The following KIAA1958 variants were observed in gnomAD, a reference collection of about 807,000 sequenced individuals.
KIAA1958 encodes the protein KIAA1958, also known as uncharacterized protein KIAA1958.
Under a neutral mutation model 47.2 loss-of-function variants are expected in KIAA1958, and 14 were observed. The observed-to-expected ratio is 0.30, with a 90% CI of 0.20 to 0.46. KIAA1958 has a LOEUF of 0.46. Ranked by LOEUF, KIAA1958 falls within the 20% of genes least tolerant of loss-of-function variation. KIAA1958 has a pLI of 1.00. For synonymous variants in KIAA1958, 354 were observed against 353.3 expected (o/e 1.00, Z -0.02); for missense variants, 803 against 909.2 (o/e 0.88, Z 1.50).
chr9:112,510,377 TG>T (rs1345650034), intron 1 of KIAA1958, among the ~76,000 whole-genome samples: 3 of 152,220 alleles, frequency 2.0e-5, no homozygotes, highest in Non-Finnish European at 4.4e-5. Flanking sequence ...CAAAAATCTC[TG>T]GGAGCCCAAT....
chr9:112,639,540 A>C (rs1279532253), intron 2 of KIAA1958, among the ~76,000 whole-genome samples: 3 of 152,106 alleles, frequency 2.0e-5, no homozygotes, highest in African/African-American at 7.2e-5. Context: ...CTGACTCTTC[A>C]CACAGGGCCT....
rs113029873 is a variant in KIAA1958 at position 112,592,228 on chromosome 9, A to G, written c.1171+16977A>G. On this transcript the variant is annotated intron_variant, in intron 2 of 3. Coordinates refer to ENST00000337530, the MANE Select transcript of KIAA1958 (RefSeq NM_133465.4). Reference sequence around the variant, plus strand: ...AAGTAGAAGACAAAGAATTGAACATACTGACATATTAATTCTTTGAAAAGA... The same window carrying G: ...AAGTAGAAGACAAAGAATTGAACATGCTGACATATTAATTCTTTGAAAAGA... 5.2e-3 allele frequency among the ~76,000 whole-genome samples: 791 copies of G among 152,272 alleles called. 10 individuals carry two copies. Among genetic ancestry groups the G allele is most frequent in the African/African-American group, 0.018 (752 of 41,536 alleles).
At chr9:112,523,834 A>G (rs902732870) in intron 1 of KIAA1958, among the ~76,000 whole-genome samples, 2 of 152,184 alleles carry the variant, frequency 1.3e-5, no homozygotes. Context: ...TGCAGACTGC[A>G]TTGTGGAGAT....
chr9:112,488,074 G>A (rs749631263), intron 1 of KIAA1958, among the ~76,000 whole-genome samples: 17 of 152,046 alleles, frequency 1.1e-4, no homozygotes, highest in Non-Finnish European at 2.2e-4. Context: ...AAGCCAGTCA[G>A]GTAGTGACAG....
chr9:112,609,088 A>T (rs892938515), intron 2 of KIAA1958, among the ~76,000 whole-genome samples: 2 of 152,202 alleles, frequency 1.3e-5, no homozygotes, highest in African/African-American at 4.8e-5. Context: ...CAGAAAGAGG[A>T]GCTGAGCAAG....
At chr9:112,548,099 G>A (rs539989090) in intron 1 of KIAA1958, among the ~76,000 whole-genome samples, 10 of 147,712 alleles carry the variant, frequency 6.8e-5, no homozygotes, top group Admixed American at 3.5e-4. Context: ...AACCTCCTGG[G>A]CTCAAGCAAT....
At chr9:112,536,485 G>C (rs1421837775) in intron 1 of KIAA1958, among the ~76,000 whole-genome samples, 3 of 152,116 alleles carry the variant, frequency 2.0e-5, no homozygotes, top group Non-Finnish European at 2.9e-5. Flanking sequence ...CAAATTTCTT[G>C]TTAAGTTGTA....
intron 2 of KIAA1958, among the ~76,000 whole-genome samples, chr9:112,635,217 T>C (rs773318517): frequency 9.1e-4 from 9 of 9,854 alleles, no homozygotes; most frequent in African/African-American, 1.4e-3. Context: ...CTTTATTTTG[T>C]GTGTGTGTGT....
chr9:112,659,630 C>T lies in KIAA1958; in HGVS notation c.1712C>T (p.Thr571Met), dbSNP rs983608365. Residue 571 changes from threonine to methionine, a missense_variant, in exon 4 of 4, where the codon ACG (threonine) becomes ATG (methionine). This residue lies in a region of KIAA1958 where 761 missense variants were observed against 829.3 expected (regional missense o/e 0.92). Coordinates refer to ENST00000337530, the MANE Select transcript of KIAA1958 (RefSeq NM_133465.4). ...AACAGCCAGTACCTGAACATGCGGA[C>T]GCTGCAGGAGCATGCGGATCTGATG... is the stretch of plus-strand genomic sequence containing the variant. ...KYNSQYLNMR[T>M]LQEHADLMYG... The T allele has an allele frequency of 7.4e-6, 12 of 1,613,994 alleles. No homozygotes were observed. The highest frequency in any genetic ancestry group is 2.2e-5 in the East Asian group (1 of 44,890).
chr9:112,640,188 G>A (rs1156295182), intron 2 of KIAA1958, among the ~76,000 whole-genome samples: 4 of 152,166 alleles, frequency 2.6e-5, no homozygotes, highest in African/African-American at 9.7e-5. Flanking sequence ...AGTTCTGCTA[G>A]CCAGCACGTA....
chr9:112,587,415 G>C (rs1189006165), intron 2 of KIAA1958, among the ~76,000 whole-genome samples: 1 of 152,210 alleles, frequency 6.6e-6, no homozygotes, highest in African/African-American at 2.4e-5. Context: ...CCCCCAAAGT[G>C]CTGGGATTAC....
At chr9:112,519,262 T>C (rs1834495872) in intron 1 of KIAA1958, among the ~76,000 whole-genome samples, 1 of 152,208 alleles carries the variant, frequency 6.6e-6, no homozygotes, top group African/African-American at 2.4e-5. Context: ...GATTTCTCTG[T>C]GGATTGCTCT....
intron 1 of KIAA1958, among the ~76,000 whole-genome samples, chr9:112,517,106 C>G (rs1834449293): frequency 2.0e-5 from 1 of 49,538 alleles, no homozygotes; most frequent in Non-Finnish European, 4.3e-5. Context: ...TTAGACTGAA[C>G]TTCAAATATG....
intron 3 of KIAA1958, among the ~76,000 whole-genome samples, chr9:112,658,687 T>G (rs760386267): frequency 9.9e-5 from 15 of 151,982 alleles, no homozygotes; most frequent in Admixed American, 8.5e-4. Context: ...AGACCAGGCG[T>G]GGTGGCTGAC....
At chr9:112,594,718 G>T (rs1160804433) in intron 2 of KIAA1958, among the ~76,000 whole-genome samples, 1 of 152,174 alleles carries the variant, frequency 6.6e-6, no homozygotes, top group Admixed American at 6.5e-5. Context: ...GGGTGGATAG[G>T]TTTTTCAATT....
At chr9:112,556,914 G>A (rs549575214) in intron 1 of KIAA1958, among the ~76,000 whole-genome samples, 1 of 152,280 alleles carries the variant, frequency 6.6e-6, no homozygotes, top group East Asian at 1.9e-4. Flanking sequence ...GAACAGGTGG[G>A]TAGACATATT....
rs1382243195 is a variant in KIAA1958 at position 112,661,265 on chromosome 9, G to A, written c.*1196G>A. 1 of 152,178 alleles carries A rather than the reference G, an allele frequency of 6.6e-6. No individual in the cohort carries two copies. Among genetic ancestry groups the A allele is most frequent in the Non-Finnish European group, 1.5e-5 (1 of 68,024 alleles). 9.4% of individuals were successfully genotyped at this position (152,178 alleles called of 1,614,324 possible). On this transcript the variant is annotated 3_prime_UTR_variant, in exon 4 of 4. Coordinates refer to ENST00000337530, the MANE Select transcript of KIAA1958 (RefSeq NM_133465.4). ...CGCATAATGGTAGGTAATGCAGTTTGAAACCATTTCACTCAGGTAAAATGC... is the reference window on the plus strand; with the variant it reads ...CGCATAATGGTAGGTAATGCAGTTTAAAACCATTTCACTCAGGTAAAATGC...
intron 2 of KIAA1958, among the ~76,000 whole-genome samples, chr9:112,602,933 C>T (rs1383709971): frequency 6.6e-6 from 1 of 152,184 alleles, no homozygotes; most frequent in East Asian, 1.9e-4. Context: ...TGTGTAATTA[C>T]ACATGGAGTT....
intron 1 of KIAA1958, among the ~76,000 whole-genome samples, chr9:112,533,715 G>T (rs991640928): frequency 1.3e-4 from 20 of 152,156 alleles, no homozygotes; most frequent in African/African-American, 4.6e-4. Flanking sequence ...TAGAATGAGT[G>T]CAGGCGGGGG....
Sources: gnomAD v4.1 joint callset for allele counts (sites outside exome capture counted in the v4.1 genomes callset) on GRCh38, gnomAD v4.1.1 for gene constraint, gnomAD v4.1.1 regional missense constraint, MANE v1.5 for transcripts, NCBI Gene and HGNC (gene_info 2026-07-23, HGNC 2026-07-21) for gene names.